KIF6: variants seen among roughly 807,000 people sequenced by gnomAD.
The protein encoded by KIF6 is kinesin-like protein KIF6.
A neutral mutation model predicts 112.7 loss-of-function variants in KIF6; 106 were observed. The ratio of observed to expected loss-of-function variants is 0.94; its 90% CI spans 0.80 to 1.11. KIF6 has a LOEUF of 1.11. KIF6 is among the 50% of genes least tolerant of loss of function. KIF6 has a pLI of 0.00. For missense variants in KIF6, 929 were observed against 964.0 expected, an observed-to-expected ratio of 0.96 and a Z score of 0.48; for synonymous variants, 339 against 339.9, an observed-to-expected ratio of 1.00 and a Z score of 0.03.
At chr6:39,479,687 C>A (rs910578298) in intron 13 of KIF6, among the ~76,000 whole-genome samples, 1 of 152,054 alleles carries the variant, frequency 6.6e-6, no homozygotes, top group African/African-American at 2.4e-5. Context: ...TTGCTTTTGG[C>A]AGTAAGGTCA....
intron 6 of KIF6, among the ~76,000 whole-genome samples, chr6:39,605,897 C>T (rs1030247937): frequency 6.6e-6 from 1 of 152,028 alleles, no homozygotes; most frequent in African/African-American, 2.4e-5. Flanking sequence ...TTTCTTTGAG[C>T]TCTTCCAATT....
chr6:39,671,911 G>A (rs1007432282), intron 3 of KIF6, among the ~76,000 whole-genome samples: 1 of 152,210 alleles, frequency 6.6e-6, no homozygotes, highest in African/African-American at 2.4e-5. Context: ...GTGCATGTTA[G>A]ATTCACTGGT....
At chr6:39,638,509 T>C (rs1034904559) in intron 4 of KIF6, among the ~76,000 whole-genome samples, 2 of 152,134 alleles carry the variant, frequency 1.3e-5, no homozygotes, top group Admixed American at 1.3e-4. Flanking sequence ...TATGCTATAC[T>C]CAATCCTTTC....
At chr6:39,638,693 G>A (rs1022241243) in intron 4 of KIF6, among the ~76,000 whole-genome samples, 4 of 152,080 alleles carry the variant, frequency 2.6e-5, no homozygotes, top group African/African-American at 9.7e-5. Flanking sequence ...AAATTTTGGA[G>A]TGACTGTTAT....
chr6:39,713,752 T>C (rs566030793), intron 3 of KIF6, among the ~76,000 whole-genome samples: 5 of 152,302 alleles, frequency 3.3e-5, no homozygotes, highest in African/African-American at 9.6e-5. Context: ...AACTCTGAAA[T>C]AGTTTAAGCC....
intron 6 of KIF6, among the ~76,000 whole-genome samples, chr6:39,597,745 A>T (rs965694427): frequency 6.6e-6 from 1 of 152,250 alleles, no homozygotes; most frequent in Non-Finnish European, 1.5e-5. Context: ...ACACAAAAAT[A>T]AATTGATTTA....
chr6:39,522,660 T>G (rs1050060510), intron 13 of KIF6, among the ~76,000 whole-genome samples: 3 of 152,220 alleles, frequency 2.0e-5, no homozygotes, highest in African/African-American at 7.2e-5. Flanking sequence ...GTTCTCATCT[T>G]ACTTGACCAC....
chr6:39,684,616 C>CAAA (rs58959171), intron 3 of KIF6, among the ~76,000 whole-genome samples: 6,620 of 130,666 alleles, frequency 0.051, 232 homozygotes, highest in Non-Finnish European at 0.072. Flanking sequence ...ACCTCTGTCT[C>CAAA]AAAAAAAAAA....
intron 9 of KIF6, among the ~76,000 whole-genome samples, chr6:39,581,490 G>A (rs573371712): frequency 6.6e-6 from 1 of 152,094 alleles, no homozygotes; most frequent in East Asian, 1.9e-4. Context: ...TTTGCTTGGG[G>A]ATTGTCAGAC....
chr6:39,640,297 A>G (rs1390219147), intron 3 of KIF6, among the ~76,000 whole-genome samples: 6 of 152,028 alleles, frequency 3.9e-5, no homozygotes, highest in Non-Finnish European at 7.4e-5. Context: ...GCTAGTCCAT[A>G]TATATTCTTC....
At chr6:39,429,703 A>AT (rs1357991103) in intron 14 of KIF6, among the ~76,000 whole-genome samples, 3 of 152,292 alleles carry the variant, frequency 2.0e-5, no homozygotes, top group South Asian at 2.1e-4. Context: ...AGGTCAGCAG[A>AT]TGAGACCATC....
chr6:39,586,454 TC>T (rs754516915), intron 7 of KIF6, 50 bp from the exon 8 acceptor site: 33 of 1,493,738 alleles, frequency 2.2e-5, no homozygotes, highest in Non-Finnish European at 3.0e-5. Flanking sequence ...GAAAATGCAC[TC>T]CTGACAAACA....
At chr6:39,509,391 G>A (rs1421572676) in intron 13 of KIF6, among the ~76,000 whole-genome samples, 2 of 152,316 alleles carry the variant, frequency 1.3e-5, no homozygotes, top group Middle Eastern at 3.4e-3. Context: ...TTGATGAGTT[G>A]AGAGAAGTAG....
chr6:39,702,058 T>C (rs1337394532), intron 3 of KIF6, among the ~76,000 whole-genome samples: 5 of 152,216 alleles, frequency 3.3e-5, no homozygotes, highest in African/African-American at 1.2e-4. Flanking sequence ...TGAGGGCATG[T>C]GGAAATGGGA....
At chr6:39,651,208 C>T (rs1056916200) in intron 3 of KIF6, among the ~76,000 whole-genome samples, 1 of 152,174 alleles carries the variant, frequency 6.6e-6, no homozygotes, top group Non-Finnish European at 1.5e-5. Context: ...CATCCTTTTC[C>T]TTGCCAAGTG....
At chr6:39,371,155 G>A (rs1765950570) in intron 16 of KIF6, among the ~76,000 whole-genome samples, 1 of 152,170 alleles carries the variant, frequency 6.6e-6, no homozygotes, top group Non-Finnish European at 1.5e-5. Context: ...TACACGATCA[G>A]CCCTTGTGAG....
chr6:39,612,961 G>A (rs1783296605), intron 6 of KIF6, among the ~76,000 whole-genome samples: 1 of 152,154 alleles, frequency 6.6e-6, no homozygotes, highest in Non-Finnish European at 1.5e-5. Flanking sequence ...TGAGAATCCA[G>A]GGGTCTAGAT....
Position 39,443,159 on chromosome 6 carries a change from T to TAATAAA in KIF6, c.1646-11999_1646-11998insTTTATT, listed in dbSNP as rs1554217813. Among the ~76,000 whole-genome samples, 19 of 130,096 alleles carry TAATAAA rather than the reference T, an allele frequency of 1.5e-4. No homozygotes were observed. The South Asian group carries it at 1.5e-3, about 10-fold the overall frequency. 85.3% of individuals were successfully genotyped at this position (130,096 alleles called of 152,430 possible). Reference sequence around the variant, plus strand: ...ATAATAATAATAATAATAATAATAATAAATAAAAATAAAAAAAAGAAAGAG... The same window carrying TAATAAA: ...ATAATAATAATAATAATAATAATAATAATAAAAAATAAAAATAAAAAAAAGAAAGAG... On this transcript the variant is annotated intron_variant, in intron 13 of 22. Transcript: ENST00000287152.
At chr6:39,397,653 T>C (rs918378346) in intron 15 of KIF6, among the ~76,000 whole-genome samples, 1 of 151,932 alleles carries the variant, frequency 6.6e-6, no homozygotes, top group Non-Finnish European at 1.5e-5. Flanking sequence ...AATAAGGAAA[T>C]CTAGGGAGTT....
Sources: allele counts gnomAD v4.1 joint callset (sites outside exome capture counted in the v4.1 genomes callset), GRCh38; gene constraint gnomAD v4.1.1; transcripts MANE v1.5; gene names NCBI Gene and HGNC (gene_info 2026-07-23, HGNC 2026-07-21).